KCMF1: variants seen among roughly 807,000 people sequenced by gnomAD.
The protein encoded by KCMF1 is E3 ubiquitin-protein ligase KCMF1.
Under a neutral mutation model 41.1 loss-of-function variants are expected in KCMF1, and 3 were observed. That is an observed-to-expected ratio of 0.07 (90% confidence interval 0.03 to 0.19). The LOEUF (loss-of-function observed/expected upper bound fraction) is 0.19, where lower values mean the gene tolerates loss of function less well. Ranked by LOEUF, KCMF1 falls within the 10% of genes least tolerant of loss-of-function variation. The probability of loss-of-function intolerance (pLI) is 1.00; values close to 1 mark genes in which losing one functional copy is unlikely to be tolerated. For synonymous variants in KCMF1, 142 were observed against 164.5 expected, an observed-to-expected ratio of 0.86 and a Z score of 1.04; for missense variants, 286 against 488.9, an observed-to-expected ratio of 0.58 and a Z score of 3.91.
intron 1 of KCMF1, among the ~76,000 whole-genome samples, chr2:85,026,555 T>A (rs1675111161): frequency 6.6e-6 from 1 of 151,810 alleles, no homozygotes; most frequent in Non-Finnish European, 1.5e-5. Context: ...AGTAGTTTGA[T>A]CATGGTCACT....
At chr2:84,989,253 T>C (rs1673979264) in intron 1 of KCMF1, among the ~76,000 whole-genome samples, 1 of 152,190 alleles carries the variant, frequency 6.6e-6, no homozygotes, top group South Asian at 2.1e-4. Context: ...AAATTTATAT[T>C]TACCAGATAT....
intron 3 of KCMF1, among the ~76,000 whole-genome samples, chr2:85,040,545 A>G (rs1467200035): frequency 6.6e-6 from 1 of 152,158 alleles, no homozygotes; most frequent in African/African-American, 2.4e-5. Flanking sequence ...TTCCTCTCAG[A>G]AAACACAGTC....
At chr2:85,023,210 T>C (rs1674992589) in intron 1 of KCMF1, among the ~76,000 whole-genome samples, 1 of 151,130 alleles carries the variant, frequency 6.6e-6, no homozygotes, top group Admixed American at 6.6e-5. Flanking sequence ...TTCTTTGAAA[T>C]TTCCTTTCAC....
chr2:85,055,550 A>G lies in KCMF1; in HGVS notation c.*2141A>G, dbSNP rs1192270452. ...CACTGCAGAAGACCTAAGGAGTCAT[A>G]AGATTCCATCTCATGTAGAATACTG... On this transcript the variant is annotated 3_prime_UTR_variant, in exon 7 of 7. Coordinates refer to ENST00000409785, the MANE Select transcript of KCMF1 (RefSeq NM_020122.5). The G allele has an allele frequency of 3.9e-5, 6 of 152,210 alleles. No homozygotes were observed. The highest frequency in any genetic ancestry group is 3.3e-4 in the Admixed American group (5 of 15,288). The allele number at this position is 152,210 out of a possible 1,614,324, so 9.4% of individuals were successfully genotyped here.
At chr2:85,053,060 C>A in intron 6 of KCMF1, 88 bp from the exon 7 acceptor site, 2 of 1,239,636 alleles carry the variant, frequency 1.6e-6, no homozygotes, top group Non-Finnish European at 2.2e-6. Context: ...ACCTGTAAAA[C>A]TTCACAGTGG....
intron 1 of KCMF1, among the ~76,000 whole-genome samples, chr2:85,000,773 C>CTT (rs1234800307): frequency 1.3e-4 from 15 of 118,614 alleles, no homozygotes; most frequent in African/African-American, 3.4e-4. Context: ...GATAATTTTA[C>CTT]TTTTTTTTTT....
At chr2:84,998,956 ATCTATCTATCTG>A (rs201714818) in intron 1 of KCMF1, among the ~76,000 whole-genome samples, 6,617 of 106,868 alleles carry the variant, frequency 0.062, 295 homozygotes, top group East Asian at 0.15. Flanking sequence ...CTATCTATCT[ATCTATCTATCTG>A]TCTGTCTGTC....
At chr2:84,973,528 T>C (rs1029761153) in intron 1 of KCMF1, among the ~76,000 whole-genome samples, 1 of 152,200 alleles carries the variant, frequency 6.6e-6, no homozygotes, top group African/African-American at 2.4e-5. Context: ...CATACCTAAA[T>C]ACATCTGTTG....
chr2:84,978,504 T>G (rs1292666460), intron 1 of KCMF1, among the ~76,000 whole-genome samples: 1 of 151,604 alleles, frequency 6.6e-6, no homozygotes, highest in African/African-American at 2.4e-5. Flanking sequence ...TTTTTGGGTT[T>G]TTTTTTTTTT....
chr2:84,998,543 T>C (rs1484941633), intron 1 of KCMF1, among the ~76,000 whole-genome samples: 1 of 152,196 alleles, frequency 6.6e-6, no homozygotes, highest in East Asian at 1.9e-4. Flanking sequence ...AAATTAATAA[T>C]TCTCAACCCT....
At chr2:85,044,224 TGTG>T (rs1675609696) in intron 4 of KCMF1, among the ~76,000 whole-genome samples, 1 of 152,288 alleles carries the variant, frequency 6.6e-6, no homozygotes, top group South Asian at 2.1e-4. Context: ...GTGGGTGTGG[TGTG>T]GTGAGATGGT....
chr2:85,032,281 C>T (rs1413825915), intron 2 of KCMF1, among the ~76,000 whole-genome samples: 1 of 152,198 alleles, frequency 6.6e-6, no homozygotes, highest in Non-Finnish European at 1.5e-5. Context: ...AAGCGATTCT[C>T]CTGCCTCAGC....
At chr2:85,047,237 T>G (rs1156824861) in intron 5 of KCMF1, among the ~76,000 whole-genome samples, 1 of 152,174 alleles carries the variant, frequency 6.6e-6, no homozygotes, top group Non-Finnish European at 1.5e-5. Context: ...CTTGAATACC[T>G]CCAAAATGTC....
At chr2:85,017,652 C>A (rs1366645908) in intron 1 of KCMF1, among the ~76,000 whole-genome samples, 1 of 151,364 alleles carries the variant, frequency 6.6e-6, no homozygotes, top group East Asian at 2.0e-4. Flanking sequence ...CTTCAAATTC[C>A]AAATGAGGTC....
intron 1 of KCMF1, among the ~76,000 whole-genome samples, chr2:85,012,464 T>G (rs1000828491): frequency 6.6e-5 from 10 of 152,254 alleles, no homozygotes; most frequent in Non-Finnish European, 1.2e-4. Flanking sequence ...CACTATCCAT[T>G]TTCCTCATTT....
In KCMF1 at chr2:85,053,212, A is replaced by T; in HGVS notation, c.949A>T (p.Ser317Cys). The T allele has an allele frequency of 6.2e-7, 1 of 1,614,010 alleles. No homozygotes were observed. The highest frequency in any genetic ancestry group is 8.5e-7 in the Non-Finnish European group (1 of 1,179,894). The change falls in exon 7 of 7, where the codon AGC becomes TGC. Residue 317 changes from serine to cysteine, a missense_variant. Coordinates refer to ENST00000409785, the MANE Select transcript of KCMF1 (RefSeq NM_020122.5). ...CATGGAAAGCGAGCGTGCAGACCGC[A>T]GCCTGTTTGTCCAAGAGCTCCTTCT... The part of the protein sequence containing the change: ...QSMESERADR[S>C]LFVQELLLST...
chr2:84,995,939 C>T (rs1674167023), intron 1 of KCMF1, among the ~76,000 whole-genome samples: 1 of 152,188 alleles, frequency 6.6e-6, no homozygotes, highest in Admixed American at 6.5e-5. Context: ...AAGTCAGATA[C>T]TCTATAAATG....
intron 1 of KCMF1, 50 bp from the exon 2 acceptor site, chr2:85,027,839 C>A: frequency 8.6e-7 from 1 of 1,157,418 alleles, no homozygotes; most frequent in Non-Finnish European, 1.2e-6. Context: ...AAAATGAAAT[C>A]AAGAGTGGCC....
At chr2:84,998,961 T>C (rs1361459641) in intron 1 of KCMF1, among the ~76,000 whole-genome samples, 1 of 58,152 alleles carries the variant, frequency 1.7e-5, no homozygotes, top group Non-Finnish European at 3.2e-5. Flanking sequence ...TATCTATCTA[T>C]CTATCTGTCT....
Sources: allele counts gnomAD v4.1 joint callset (sites outside exome capture counted in the v4.1 genomes callset), GRCh38; gene constraint gnomAD v4.1.1; transcripts MANE v1.5; gene names NCBI Gene and HGNC (gene_info 2026-07-23, HGNC 2026-07-21).